Variants in RABGEF1 observed in about 807,000 individuals in gnomAD.
RABGEF1 encodes rab5 GDP/GTP exchange factor.
In RABGEF1, 26 loss-of-function variants were observed where a neutral mutation model predicts 57.3. The ratio of observed to expected loss-of-function variants is 0.45; its 90% CI spans 0.33 to 0.63. The LOEUF is 0.63. RABGEF1 is among the 20% of genes least tolerant of loss of function. The pLI, the probability that RABGEF1 is intolerant of heterozygous loss-of-function variation, is 0.02. For synonymous variants in RABGEF1, 185 were observed against 210.7 expected, an observed-to-expected ratio of 0.88 and a Z score of 1.06; for missense variants, 464 against 607.6, an observed-to-expected ratio of 0.76 and a Z score of 2.48.
intron 1 of RABGEF1, among the ~76,000 whole-genome samples, chr7:66,744,113 G>A (rs1799640702): frequency 6.6e-6 from 1 of 150,546 alleles, no homozygotes; most frequent in African/African-American, 2.4e-5. Context: ...CTTGGCCACT[G>A]CAACCTCTGC....
chr7:66,736,013 A>C (rs1797902611), upstream of RABGEF1, among the ~76,000 whole-genome samples: 1 of 152,186 alleles, frequency 6.6e-6, no homozygotes, highest in South Asian at 2.1e-4. Flanking sequence ...GTTGCTGTCC[A>C]CTGTCACAAC....
the RABGEF1 span, among the ~76,000 whole-genome samples, chr7:66,661,080 C>T: frequency 3.3e-5 from 5 of 151,930 alleles, no homozygotes; most frequent in South Asian, 8.3e-4. Flanking sequence ...GAGGCCAAGG[C>T]GGGTGGATCA....
chr7:66,769,046 A>G (rs1806436281), intron 1 of RABGEF1: 1 of 152,196 alleles, frequency 6.6e-6, no homozygotes, highest in South Asian at 2.1e-4. Flanking sequence ...GGATCCCCAT[A>G]TTCTCTCTGG....
intron 1 of RABGEF1, among the ~76,000 whole-genome samples, chr7:66,689,876 A>G (rs1456668593): frequency 6.6e-6 from 1 of 152,086 alleles, no homozygotes; most frequent in East Asian, 1.9e-4. Flanking sequence ...AAATCCTCCC[A>G]ACAAAGAAAT....
At position 66,720,869 on chromosome 7, in the gene RABGEF1, G is replaced by A. The variant is rs201962985; in HGVS notation, c.-815+8645G>A. Among the ~76,000 whole-genome samples the A allele has an allele frequency of 3.9e-5, 6 of 152,112 alleles. No homozygotes were observed. In the East Asian group the frequency reaches 5.8e-4, roughly 15 times the overall value. On this transcript the variant is annotated intron_variant and NMD_transcript_variant, in intron 2 of 9. Coordinates refer to the RABGEF1 transcript ENST00000607882. The stretch of plus-strand genomic sequence containing the variant: ...CCAAGTGTCAATTGAATTTCCATAT[G>A]CTAGCTCAAACAATGGGAACTGAAA...
At chr7:66,663,341 G>A in the RABGEF1 span, among the ~76,000 whole-genome samples, 1 of 152,198 alleles carries the variant, frequency 6.6e-6, no homozygotes, top group Admixed American at 6.5e-5. Context: ...ATTTTTGTGT[G>A]TGTGTCTTTA....
At chr7:66,661,356 T>A in the RABGEF1 span, among the ~76,000 whole-genome samples, 1 of 148,106 alleles carries the variant, frequency 6.8e-6, no homozygotes, top group African/African-American at 2.5e-5. Context: ...TTAAAGTGAT[T>A]ATAAGATAAT....
intron 1 of RABGEF1, among the ~76,000 whole-genome samples, chr7:66,695,373 G>A (rs1040026475): frequency 6.6e-6 from 1 of 152,184 alleles, no homozygotes; most frequent in South Asian, 2.1e-4. Context: ...CACATGAAAG[G>A]GATGGGCAAG....
At chr7:66,690,276 T>G (rs1584665996) in intron 1 of RABGEF1, among the ~76,000 whole-genome samples, 3 of 151,448 alleles carry the variant, frequency 2.0e-5, no homozygotes, top group African/African-American at 7.2e-5. Flanking sequence ...AATTTTTGTA[T>G]TTTTAGTAGA....
At chr7:66,767,947 CTGT>C (rs1483280751) in intron 1 of RABGEF1, among the ~76,000 whole-genome samples, 14 of 152,268 alleles carry the variant, frequency 9.2e-5, no homozygotes, top group East Asian at 1.9e-4. Context: ...GTACTGATAC[CTGT>C]TGTTGTTGTT....
chr7:66,794,236 T>A (rs1464699005), intron 4 of RABGEF1, among the ~76,000 whole-genome samples: 4 of 148,092 alleles, frequency 2.7e-5, no homozygotes, highest in Non-Finnish European at 4.5e-5. Flanking sequence ...TTTTTTTACT[T>A]ATTATTGTTA....
chr7:66,723,430 A>C (rs1796261878), intron 2 of RABGEF1, among the ~76,000 whole-genome samples: 1 of 152,210 alleles, frequency 6.6e-6, no homozygotes, highest in South Asian at 2.1e-4. Context: ...TTAACACTTC[A>C]TGAATAATAT....
chr7:66,692,612 C>G (rs942177710), intron 1 of RABGEF1, among the ~76,000 whole-genome samples: 15 of 152,256 alleles, frequency 9.9e-5, no homozygotes, highest in Middle Eastern at 3.4e-3. Context: ...GATCTGGGGC[C>G]GAGCAGTCCA....
chr7:66,780,820 T>A (rs367997746), intron 3 of RABGEF1, among the ~76,000 whole-genome samples: 6 of 152,228 alleles, frequency 3.9e-5, no homozygotes, highest in African/African-American at 7.2e-5. Flanking sequence ...ATATGGTCCA[T>A]GTTCTTAAGT....
At chr7:66,797,322 G>T in intron 5 of RABGEF1, 52 bp from the exon 6 acceptor site, 2 of 1,249,942 alleles carry the variant, frequency 1.6e-6, no homozygotes, top group South Asian at 1.5e-5. Flanking sequence ...AAAAAAAAAA[G>T]AGAGAGAAAA....
At chr7:66,808,842 C>T (rs774469624) in intron 8 of RABGEF1, 44 bp from the exon 9 acceptor site, 4 of 1,471,010 alleles carry the variant, frequency 2.7e-6, no homozygotes, top group Non-Finnish European at 3.7e-6. Flanking sequence ...CTCGAGTATG[C>T]ATAGCTTTCC....
chr7:66,745,482 A>G (rs1799985302), intron 1 of RABGEF1, among the ~76,000 whole-genome samples: 2 of 152,098 alleles, frequency 1.3e-5, no homozygotes. Context: ...TTATCACACC[A>G]TAGGCTGGGT....
At chr7:66,768,282 A>C (rs1806245284) in intron 1 of RABGEF1, among the ~76,000 whole-genome samples, 1 of 152,184 alleles carries the variant, frequency 6.6e-6, no homozygotes, top group African/African-American at 2.4e-5. Context: ...CCTTGACTGC[A>C]CAGTATGTAG....
At chr7:66,787,316 G>T (rs1176849503) in intron 4 of RABGEF1, among the ~76,000 whole-genome samples, 2 of 141,392 alleles carry the variant, frequency 1.4e-5, no homozygotes, top group Non-Finnish European at 3.0e-5. Flanking sequence ...TTACAGAAGT[G>T]AGCCACCATG....
Sources: allele counts gnomAD v4.1 joint callset (sites outside exome capture counted in the v4.1 genomes callset), GRCh38; gene constraint gnomAD v4.1.1; transcripts MANE v1.5; gene names NCBI Gene and HGNC (gene_info 2026-07-23, HGNC 2026-07-21).